Variants in ARHGEF3 observed in about 807,000 individuals in gnomAD.
ARHGEF3 encodes the protein Rho guanine nucleotide exchange factor 3.
ARHGEF3 carries 28 observed loss-of-function variants against 63.2 expected under a neutral mutation model. The ratio of observed to expected loss-of-function variants is 0.44; its 90% confidence interval spans 0.33 to 0.61. The LOEUF is 0.61. Among genes scored for constraint, ARHGEF3 ranks in the 20% least tolerant of loss-of-function variants. The pLI is 0.03. For missense variants in ARHGEF3, 533 were observed against 659.3 expected, an observed-to-expected ratio of 0.81 and a Z score of 2.10; for synonymous variants, 266 against 254.2, an observed-to-expected ratio of 1.05 and a Z score of -0.44.
intron 2 of ARHGEF3, chr3:57,007,298 C>A: frequency 7.8e-7 from 1 of 1,289,748 alleles, no homozygotes; most frequent in African/African-American, 1.5e-5. Flanking sequence ...GTTGTTCCTG[C>A]CATTGATTGC....
chr3:56,742,444 T>G (rs1182564551), intron 7 of ARHGEF3, among the ~76,000 whole-genome samples: 4 of 152,238 alleles, frequency 2.6e-5, no homozygotes, highest in Admixed American at 6.5e-5. Context: ...GATCTAATCA[T>G]AGGTATGAAT....
chr3:56,729,652 G>A (rs781520557), intron 9 of ARHGEF3, 30 bp from the exon 10 acceptor site: 1 of 1,541,308 alleles, frequency 6.5e-7, no homozygotes, highest in South Asian at 1.2e-5. Flanking sequence ...GAAAAACAAA[G>A]TCAATGGACA....
intron 2 of ARHGEF3, among the ~76,000 whole-genome samples, chr3:56,968,162 A>G (rs1232393048): frequency 3.9e-5 from 1 of 25,632 alleles, no homozygotes; most frequent in Non-Finnish European, 8.1e-5. Context: ...AAAAATATAT[A>G]TTATATAATA....
At chr3:56,945,187 T>G (rs549476880) in intron 3 of ARHGEF3, among the ~76,000 whole-genome samples, 6 of 151,982 alleles carry the variant, frequency 3.9e-5, no homozygotes, top group Non-Finnish European at 7.4e-5. Context: ...GCTCCCAGCA[T>G]GAGTGATGCA....
chr3:57,042,695 TATATA>T lies in ARHGEF3; in HGVS notation c.-27-7524_-27-7520del, dbSNP rs576976402. Reference sequence around the variant, plus strand: ...ATATATATATATATATATATATATATATATATTTTTTTTTTTTTTTAGACGGAGTC... The same window carrying T: ...ATATATATATATATATATATATATATTTTTTTTTTTTTTTTAGACGGAGTC... On this transcript the variant is annotated intron_variant, in intron 1 of 12. Transcript: ENST00000338458. 5.1e-3 allele frequency among the ~76,000 whole-genome samples: 145 copies of T among 28,490 alleles called. 2 individuals are homozygous for T. The highest frequency in any genetic ancestry group is 0.019 in the Middle Eastern group (1 of 52). The allele number at this position is 28,490 out of a possible 152,430, so 18.7% of individuals were successfully genotyped here. A position where few individuals can be genotyped will look rare whatever the true frequency, so the allele number is the denominator to read the frequency against.
intron 4 of ARHGEF3, among the ~76,000 whole-genome samples, chr3:56,813,519 A>C (rs1041577421): frequency 6.6e-6 from 1 of 151,756 alleles, no homozygotes; most frequent in East Asian, 1.9e-4. Context: ...TGAAACTACA[A>C]CTCTTCATTT....
intron 4 of ARHGEF3, among the ~76,000 whole-genome samples, chr3:56,849,625 C>T (rs1169433924): frequency 2.0e-5 from 3 of 151,586 alleles, no homozygotes; most frequent in Admixed American, 2.0e-4. Context: ...GTTATGCCAA[C>T]CCTAGTAGCC....
chr3:56,952,756 T>C (rs1699869493), intron 3 of ARHGEF3, among the ~76,000 whole-genome samples: 2 of 152,046 alleles, frequency 1.3e-5, no homozygotes, highest in African/African-American at 4.8e-5. Context: ...AAAGTTGGGG[T>C]AACAAATCAT....
intron 3 of ARHGEF3, among the ~76,000 whole-genome samples, chr3:56,907,608 G>A (rs1382914164): frequency 6.6e-6 from 1 of 152,118 alleles, no homozygotes; most frequent in Non-Finnish European, 1.5e-5. Flanking sequence ...CAAAGACATG[G>A]AATCAACCTA....
chr3:56,905,155 TTC>T (rs1401289749), intron 3 of ARHGEF3, among the ~76,000 whole-genome samples: 2 of 152,306 alleles, frequency 1.3e-5, no homozygotes, highest in Admixed American at 6.5e-5. Flanking sequence ...CCTTAGAGTT[TTC>T]TCTTTTTATT....
intron 1 of ARHGEF3, among the ~76,000 whole-genome samples, chr3:56,795,021 G>A (rs1026017177): frequency 8.2e-6 from 1 of 122,692 alleles, no homozygotes; most frequent in African/African-American, 2.9e-5. Flanking sequence ...ACCACGCTTG[G>A]TGAATTCTTT....
chr3:56,983,853 T>G (rs1701424811), intron 2 of ARHGEF3, among the ~76,000 whole-genome samples: 1 of 151,166 alleles, frequency 6.6e-6, no homozygotes, highest in African/African-American at 2.4e-5. Context: ...GGAGAATTGC[T>G]TGAACCTTGG....
chr3:56,832,428 C>CT (rs1442798177), intron 4 of ARHGEF3, among the ~76,000 whole-genome samples: 7 of 152,072 alleles, frequency 4.6e-5, no homozygotes, highest in African/African-American at 1.7e-4. Flanking sequence ...TCTCCCAGGG[C>CT]TTTTTTAATG....
At chr3:57,012,052 G>C (rs1354124733) in intron 2 of ARHGEF3, among the ~76,000 whole-genome samples, 1 of 152,116 alleles carries the variant, frequency 6.6e-6, no homozygotes. Flanking sequence ...AACTTGAGGG[G>C]CTGCTCCCAA....
chr3:56,795,653 CTCTT>C (rs1469935466), intron 1 of ARHGEF3, among the ~76,000 whole-genome samples: 19 of 69,266 alleles, frequency 2.7e-4, no homozygotes, highest in Non-Finnish European at 5.0e-4. Context: ...CAGTCTCTCT[CTCTT>C]TTTTTTTTTT....
intron 4 of ARHGEF3, among the ~76,000 whole-genome samples, chr3:56,822,405 T>TGAACACTGCATAAA (rs2038540621): frequency 6.6e-6 from 1 of 152,142 alleles, no homozygotes; most frequent in Non-Finnish European, 1.5e-5. Context: ...ATCCACTGCA[T>TGAACACTGCATAAA]GAACACTGCA....
At chr3:56,732,951 T>C (rs56031438) in intron 8 of ARHGEF3, among the ~76,000 whole-genome samples, 25,202 of 151,826 alleles carry the variant, frequency 0.17, 2,379 homozygotes, top group South Asian at 0.38. Flanking sequence ...AGTTCAAGAC[T>C]AGGCTGGCCA....
At chr3:56,956,681 T>C (rs544656673) in intron 3 of ARHGEF3, among the ~76,000 whole-genome samples, 72 of 152,176 alleles carry the variant, frequency 4.7e-4, no homozygotes, top group Admixed American at 7.2e-4. Context: ...CTGGGCAAAC[T>C]TGGATGGTTG....
chr3:56,975,822 T>A, intron 2 of ARHGEF3: 1 of 415,786 alleles, frequency 2.4e-6, no homozygotes, highest in Admixed American at 3.3e-5. Context: ...ATAACAGGAC[T>A]TAAAAAAAAA....
Sources: allele counts gnomAD v4.1 joint callset (sites outside exome capture counted in the v4.1 genomes callset), GRCh38; gene constraint gnomAD v4.1.1; transcripts MANE v1.5; gene names NCBI Gene and HGNC (gene_info 2026-07-23, HGNC 2026-07-21).